The following SLC38A9 variants were observed in gnomAD, a reference collection of about 807,000 sequenced individuals.
SLC38A9 encodes the protein solute carrier family 38 member 9, also known as neutral amino acid transporter 9.
SLC38A9 carries 48 observed loss-of-function variants against 62.3 expected under a neutral mutation model. The observed-to-expected ratio is 0.77, with a 90% CI of 0.61 to 0.98. The LOEUF (loss-of-function observed/expected upper bound fraction) is 0.98. Ranked by LOEUF, SLC38A9 falls within the 50% of genes least tolerant of loss-of-function variation. The pLI, the probability that SLC38A9 is intolerant of heterozygous loss-of-function variation, is 0.00. For missense variants in SLC38A9, 541 were observed against 679.8 expected (o/e 0.80, Z 2.27); for synonymous variants, 204 against 227.7 (o/e 0.90, Z 0.94).
intron 8 of SLC38A9, among the ~76,000 whole-genome samples, chr5:55,661,900 T>C (rs186915044): frequency 6.6e-6 from 1 of 151,970 alleles, no homozygotes; most frequent in Non-Finnish European, 1.5e-5. Context: ...TAATGGTCAA[T>C]ATAATTAAGA....
At chr5:55,696,976 G>A (rs1755935010) in intron 3 of SLC38A9, 1 of 155,628 alleles carries the variant, frequency 6.4e-6, no homozygotes, top group Admixed American at 6.5e-5. Context: ...CAGCGGGGCA[G>A]AGACGCTCCT....
chr5:55,701,644 C>T (rs938736433), intron 2 of SLC38A9, among the ~76,000 whole-genome samples: 4 of 152,168 alleles, frequency 2.6e-5, no homozygotes, highest in African/African-American at 7.2e-5. Flanking sequence ...AGGAATTTGG[C>T]CTTACCCAAT....
intron 14 of SLC38A9, among the ~76,000 whole-genome samples, chr5:55,630,685 A>G (rs988011961): frequency 6.6e-6 from 1 of 152,148 alleles, no homozygotes; most frequent in African/African-American, 2.4e-5. Context: ...GTAGGTGTAT[A>G]TATTTATGGG....
intron 2 of SLC38A9, among the ~76,000 whole-genome samples, chr5:55,704,977 T>G (rs989804800): frequency 1.3e-5 from 2 of 152,200 alleles, no homozygotes; most frequent in African/African-American, 4.8e-5. Context: ...ACACTGAATA[T>G]TCAACAAACA....
At chr5:55,710,687 C>T (rs973127018) in intron 2 of SLC38A9, among the ~76,000 whole-genome samples, 1 of 151,968 alleles carries the variant, frequency 6.6e-6, no homozygotes, top group Admixed American at 6.5e-5. Flanking sequence ...ACGATCTCAG[C>T]TCACTGCAAC....
At chr5:55,679,069 C>T (rs1290414961) in intron 3 of SLC38A9, among the ~76,000 whole-genome samples, 2 of 144,312 alleles carry the variant, frequency 1.4e-5, no homozygotes. Flanking sequence ...GCCAATAAAT[C>T]AAATTTAAAG....
At chr5:55,691,335 G>A in intron 3 of SLC38A9, 1 of 1,445,286 alleles carries the variant, frequency 6.9e-7, no homozygotes, top group Non-Finnish European at 9.1e-7. Flanking sequence ...ATAAGGGGCA[G>A]AAGAAAAATA....
chr5:55,682,977 A>G (rs575035866), intron 3 of SLC38A9, among the ~76,000 whole-genome samples: 1 of 151,952 alleles, frequency 6.6e-6, no homozygotes, highest in African/African-American at 2.4e-5. Context: ...GCAGAGGAGG[A>G]AAAGAGGGAG....
At position 55,626,167 on chromosome 5, in the gene SLC38A9, G is replaced by A. The variant is rs909501063; in HGVS notation, c.*327C>T. On this transcript the variant is annotated 3_prime_UTR_variant, in exon 16 of 16. Coordinates refer to ENST00000396865, the MANE Select transcript of SLC38A9 (RefSeq NM_173514.4). Reference sequence around the variant, plus strand: ...TGACACCCTGAGAATCTTTACTGCAGGCAAAATAAATCCACCACCTTTTAT... The same window carrying A: ...TGACACCCTGAGAATCTTTACTGCAAGCAAAATAAATCCACCACCTTTTAT... 1 of 187,896 alleles carries A rather than the reference G, an allele frequency of 5.3e-6. No homozygotes were observed. The highest frequency in any genetic ancestry group is 2.4e-5 in the African/African-American group (1 of 42,524). 11.6% of individuals were successfully genotyped at this position (187,896 alleles called of 1,614,324 possible).
chr5:55,710,067 C>CAAAAAAAAAAAAAAAA (rs1174162436), intron 2 of SLC38A9, among the ~76,000 whole-genome samples: 6 of 20,880 alleles, frequency 2.9e-4, no homozygotes, highest in African/African-American at 6.3e-4. Context: ...GACTCCATCT[C>CAAAAAAAAAAAAAAAA]AAAAAAAAAA....
At chr5:55,629,502 T>C (rs1743047626) in intron 14 of SLC38A9, among the ~76,000 whole-genome samples, 1 of 152,192 alleles carries the variant, frequency 6.6e-6, no homozygotes, top group Admixed American at 6.5e-5. Flanking sequence ...TTCTATGTGA[T>C]CAAATAGGAA....
At chr5:55,690,485 T>G (rs1198109658) in intron 3 of SLC38A9, among the ~76,000 whole-genome samples, 1 of 152,162 alleles carries the variant, frequency 6.6e-6, no homozygotes, top group Admixed American at 6.5e-5. Flanking sequence ...AATTAGCAAG[T>G]TGGCCATCCG....
chr5:55,705,482 T>C (rs533095486), intron 2 of SLC38A9, among the ~76,000 whole-genome samples: 2 of 149,754 alleles, frequency 1.3e-5, no homozygotes, highest in East Asian at 1.9e-4. Context: ...AAGAAATTAA[T>C]TGAAGCTCAG....
chr5:55,633,607 A>G, intron 14 of SLC38A9, 147 bp downstream of exon 14: 2 of 1,056,088 alleles, frequency 1.9e-6, no homozygotes. Context: ...AAAGCTCTTC[A>G]GGGAAGAGGA....
At chr5:55,691,076 GTTGT>G (rs1159119692) in intron 3 of SLC38A9, 2 of 674,342 alleles carry the variant, frequency 3.0e-6, no homozygotes, top group African/African-American at 3.6e-5. Flanking sequence ...GCATACCTAG[GTTGT>G]TTGAAGGGCA....
chr5:55,678,665 T>G (rs1389453527), intron 3 of SLC38A9, among the ~76,000 whole-genome samples: 4 of 140,260 alleles, frequency 2.9e-5, no homozygotes, highest in Non-Finnish European at 4.6e-5. Flanking sequence ...TTTTTTTTTT[T>G]TTTTTTTTTG....
chr5:55,630,327 T>G (rs113580681), intron 14 of SLC38A9, among the ~76,000 whole-genome samples: 7,628 of 150,806 alleles, frequency 0.051, 326 homozygotes, highest in African/African-American at 0.12. Flanking sequence ...TTTGTTTTTG[T>G]TTTTTTTTGA....
At chr5:55,649,847 A>G (rs2014458) in intron 10 of SLC38A9, among the ~76,000 whole-genome samples, 90,378 of 151,916 alleles carry the variant, frequency 0.59, 27,546 homozygotes, top group South Asian at 0.7. Flanking sequence ...GAATAAGAAA[A>G]GAAGAATCAG....
intron 4 of SLC38A9, among the ~76,000 whole-genome samples, chr5:55,670,588 T>C (rs943920743): frequency 2.0e-5 from 3 of 152,242 alleles, no homozygotes; most frequent in African/African-American, 7.2e-5. Context: ...TTGTCAATTT[T>C]ACATCACTGT....
Sources: gnomAD v4.1 joint callset for allele counts (sites outside exome capture counted in the v4.1 genomes callset) on GRCh38, gnomAD v4.1.1 for gene constraint, MANE v1.5 for transcripts, NCBI Gene and HGNC (gene_info 2026-07-23, HGNC 2026-07-21) for gene names.